Variants in UMODL1 observed in about 807,000 individuals in gnomAD.
UMODL1 encodes uromodulin-like 1.
A neutral mutation model predicts 136.3 loss-of-function variants in UMODL1; 128 were observed. The ratio of observed to expected loss-of-function variants is 0.94; its 90% confidence interval spans 0.81 to 1.09. The LOEUF is 1.09. Ranked by LOEUF, UMODL1 falls within the 50% of genes least tolerant of loss-of-function variation. The pLI is 0.00. For synonymous variants in UMODL1, 721 were observed against 720.0 expected, an observed-to-expected ratio of 1.00 and a Z score of -0.02; for missense variants, 1,766 against 1,725.6, an observed-to-expected ratio of 1.02 and a Z score of -0.41.
intron 10 of UMODL1, 143 bp from the exon 11 acceptor site, chr21:42,110,737 A>T: frequency 1.3e-6 from 1 of 785,718 alleles, no homozygotes; most frequent in Non-Finnish European, 2.0e-6. Context: ...AACACTCCTG[A>T]ACGCTGGCGC....
At position 42,111,549 on chromosome 21, in the gene UMODL1, C is replaced by T. The variant is rs188727186; in HGVS notation, c.1943C>T (p.Pro648Leu). The T allele has an allele frequency of 2.7e-4, 440 of 1,614,132 alleles. 6 individuals are homozygous for T. The Middle Eastern group carries it at 7.6e-3, about 28-fold the overall frequency. Reference sequence around the variant, plus strand: ...ATGGAGCCACCCTCCTGGCCTTCCCCTACTGAGGACCCCACCGGCCACTTC... The same window carrying T: ...ATGGAGCCACCCTCCTGGCCTTCCCTTACTGAGGACCCCACCGGCCACTTC... ...SIMEPPSWPS[P>L]TEDPTGHFLW... Residue 648 changes from proline (P) to leucine (L), a missense_variant, in exon 12 of 23, where the codon CCT becomes CTT. Transcript: ENST00000408910.
chr21:42,085,086 G>A lies in UMODL1; in HGVS notation c.482-205G>A, dbSNP rs1373212032. 6.6e-6 allele frequency among the ~76,000 whole-genome samples: 1 copy of A among 151,992 alleles called. No individual in the cohort carries two copies. The highest frequency in any genetic ancestry group is 1.5e-5 in the Non-Finnish European group (1 of 68,014). On this transcript the variant is annotated intron_variant, in intron 3 of 22. Coordinates refer to ENST00000408910, the MANE Select transcript of UMODL1 (RefSeq NM_001004416.3). The surrounding 1 kb of genome is among the most constrained non-coding windows in gnomAD (Gnocchi z 4.5). ...CTGAGCAGGGATCGGTGGTCTTCAG[G>A]GACATTAGGATGGAGAGGAGCGAGG...
At chr21:42,114,472 C>A (rs1729877827) in intron 13 of UMODL1, among the ~76,000 whole-genome samples, 1 of 152,192 alleles carries the variant, frequency 6.6e-6, no homozygotes, top group Non-Finnish European at 1.5e-5. Flanking sequence ...GTTTTCACGC[C>A]ATGGGCAGCT....
At chr21:42,079,106 G>T (rs1402536654) in intron 2 of UMODL1, among the ~76,000 whole-genome samples, 1 of 152,170 alleles carries the variant, frequency 6.6e-6, no homozygotes, top group Non-Finnish European at 1.5e-5. Context: ...CTACCTGTTG[G>T]CATTGTCAGG....
upstream of UMODL1, among the ~76,000 whole-genome samples, chr21:42,067,983 A>G (rs895215770): frequency 6.6e-6 from 1 of 152,198 alleles, no homozygotes; most frequent in Admixed American, 6.5e-5. Context: ...TGTCTGTGTG[A>G]GTGAGGGAGA....
Position 42,085,450 on chromosome 21 carries a change from G to T in UMODL1, c.603+38G>T. The stretch of plus-strand genomic sequence containing the variant: ...GACGGGGGCTGCCTGCACCCTCCTT[G>T]TGGCAGCTGCTCAGGCAGACCCAGG... On this transcript the variant is annotated intron_variant, in intron 4 of 22. Transcript: ENST00000408910. This position sits in a 1 kb window ranked among gnomAD's most constrained non-coding sequence, Gnocchi z 4.5. The T allele has an allele frequency of 6.2e-7, 1 of 1,612,762 alleles. No individual in the cohort carries two copies. The highest frequency in any genetic ancestry group is 8.5e-7 in the Non-Finnish European group (1 of 1,179,680).
At chr21:42,084,505 C>T (rs2066402584) in intron 3 of UMODL1, among the ~76,000 whole-genome samples, 1 of 152,122 alleles carries the variant, frequency 6.6e-6, no homozygotes. Flanking sequence ...GAGCAGAGAC[C>T]CGGATTTCCC....
At chr21:42,107,430 C>T (rs1036366278) in intron 9 of UMODL1, among the ~76,000 whole-genome samples, 2 of 152,294 alleles carry the variant, frequency 1.3e-5, no homozygotes, top group Middle Eastern at 3.4e-3. Context: ...CGCCACTGCG[C>T]GAGCCCTTTC....
chr21:42,109,263 A>G (rs549902201), intron 9 of UMODL1, among the ~76,000 whole-genome samples: 2 of 152,286 alleles, frequency 1.3e-5, no homozygotes, highest in East Asian at 1.9e-4. Context: ...AAAACATTTC[A>G]AGTTTTGGGT....
chr21:42,105,786 C>T (rs2066706831), intron 9 of UMODL1, among the ~76,000 whole-genome samples: 1 of 152,176 alleles, frequency 6.6e-6, no homozygotes, highest in African/African-American at 2.4e-5. Flanking sequence ...GGAGTTTGGA[C>T]TTCGCCTCCG....
At chr21:42,101,511 C>T (rs920600015) in intron 7 of UMODL1, among the ~76,000 whole-genome samples, 3 of 152,188 alleles carry the variant, frequency 2.0e-5, no homozygotes, top group South Asian at 4.1e-4. Flanking sequence ...TGTTAGATAA[C>T]TAGAGAAACA....
Position 42,115,968 on chromosome 21 carries a change from G to A in UMODL1, c.2458G>A (p.Glu820Lys), listed in dbSNP as rs755554207. The change falls in exon 14 of 23, where the codon GAA becomes AAA. Residue 820 changes from glutamate (E) to lysine (K), a missense_variant. Physicochemically the swap from Glu to Lys is moderately conservative, Grantham distance 56. Transcript: ENST00000408910. ...CAGCCAGGAGTATCGAGATTTCCTA[G>A]AACTATTCTTCAGGATGGTGAGTTG... is the stretch of plus-strand genomic sequence containing the variant. ...ASSQEYRDFL[E>K]LFFRMVRGSL... is the part of the protein sequence containing the mutation. The A allele has an allele frequency of 1.2e-6, 2 of 1,613,322 alleles. No homozygotes were observed. Among genetic ancestry groups the A allele is most frequent in the Non-Finnish European group, 8.5e-7 (1 of 1,179,550 alleles).
At chr21:42,068,700 G>A (rs1348764136), upstream of UMODL1, among the ~76,000 whole-genome samples, 1 of 152,210 alleles carries the variant, frequency 6.6e-6, no homozygotes, top group Non-Finnish European at 1.5e-5. This position sits in a 1 kb window ranked among gnomAD's most constrained non-coding sequence, Gnocchi z 5.5. Flanking sequence ...ATGTGTGAAT[G>A]AGCATGCATG....
Position 42,090,222 on chromosome 21 carries a change from C to T in UMODL1, c.791-76C>T, listed in dbSNP as rs185670400. On this transcript the variant is annotated intron_variant, in intron 5 of 22. Transcript: ENST00000408910. ...ATCCGTGGCACGAGTCCACAGAGGCCGTGTGTGTGCAGGTAGATGAAGATG... is the reference window on the plus strand; with the variant it reads ...ATCCGTGGCACGAGTCCACAGAGGCTGTGTGTGTGCAGGTAGATGAAGATG... 1,732 of 1,589,538 alleles carry T rather than the reference C, an allele frequency of 1.1e-3. 1 individual carries two copies. The highest frequency in any genetic ancestry group is 1.3e-3 in the Non-Finnish European group (1,564 of 1,164,206).
chr21:42,077,573 C>T (rs1459926996), intron 2 of UMODL1, among the ~76,000 whole-genome samples: 4 of 152,238 alleles, frequency 2.6e-5, no homozygotes, highest in African/African-American at 4.8e-5. Flanking sequence ...GTGATAGACA[C>T]GAGGCTTTGG....
rs564516022 is a variant in UMODL1, at chr21:42,075,947, C to T, written c.77-58C>T. 1.8e-4 allele frequency: 290 copies of T among 1,598,746 alleles called. 1 individual carries two copies. The highest frequency in any genetic ancestry group is 1.6e-4 in the African/African-American group (12 of 74,726). ...TGCAGAGGGACGCCTTGCGGATAACCGCTCGCACGGATCTGATCCTGGTGT... is the reference window on the plus strand; with the variant it reads ...TGCAGAGGGACGCCTTGCGGATAACTGCTCGCACGGATCTGATCCTGGTGT... On this transcript the variant is annotated intron_variant, in intron 1 of 22. Coordinates refer to ENST00000408910, the MANE Select transcript of UMODL1 (RefSeq NM_001004416.3).
At chr21:42,066,466 A>G (rs553997624), upstream of UMODL1, among the ~76,000 whole-genome samples, 4 of 152,172 alleles carry the variant, frequency 2.6e-5, no homozygotes, top group Non-Finnish European at 4.4e-5. Flanking sequence ...TTGTATTTTT[A>G]GTAGAGGCAG....
At chr21:42,065,943 C>T (rs1031080163) in intron 1 of UMODL1, among the ~76,000 whole-genome samples, 1 of 152,194 alleles carries the variant, frequency 6.6e-6, no homozygotes, top group Non-Finnish European at 1.5e-5. Flanking sequence ...GTCCCAGGAC[C>T]CAGACATAGG....
chr21:42,074,456 C>T (rs1239197678), intron 1 of UMODL1, among the ~76,000 whole-genome samples: 1 of 152,172 alleles, frequency 6.6e-6, no homozygotes, highest in Non-Finnish European at 1.5e-5. Context: ...ACAATCAATT[C>T]AAACTAGGCA....
Sources: gnomAD v4.1 joint callset for allele counts (sites outside exome capture counted in the v4.1 genomes callset) on GRCh38, gnomAD v4.1.1 for gene constraint, Gnocchi (gnomAD v3.1) non-coding constraint, MANE v1.5 for transcripts, NCBI Gene and HGNC (gene_info 2026-07-23, HGNC 2026-07-21) for gene names.